NPIPB8: variants seen among roughly 807,000 people sequenced by gnomAD.
NPIPB8 encodes the protein nuclear pore complex-interacting protein family member B8.
NPIPB8 carries 3 observed loss-of-function variants against 5.3 expected under a neutral mutation model. That is an observed-to-expected ratio of 0.57 (90% confidence interval 0.26 to 1.47). NPIPB8 has a LOEUF of 1.47. Among genes scored for constraint, NPIPB8 ranks in the 40% most tolerant of loss-of-function variants. NPIPB8 has a pLI of 0.13. For synonymous variants in NPIPB8, 18 were observed against 23.0 expected (o/e 0.78, Z 0.62); for missense variants, 50 against 50.2 (o/e 1.00, Z 0.01).
intron 2 of NPIPB8, among the ~76,000 whole-genome samples, chr16:28,643,079 C>A (rs980991552): frequency 5.3e-5 from 8 of 151,760 alleles, no homozygotes; most frequent in Admixed American, 3.3e-4. Flanking sequence ...GTCCTGCCCA[C>A]CTGCTTGGAG....
intron 5 of NPIPB8, among the ~76,000 whole-genome samples, chr16:28,652,920 T>G (rs1406657213): frequency 7.8e-6 from 1 of 127,798 alleles, no homozygotes; most frequent in South Asian, 2.3e-4. Context: ...TTTTTTTTTT[T>G]AATTTTGAGA....
At chr16:28,639,455 A>ATTTTT (rs1181691602) in intron 2 of NPIPB8, among the ~76,000 whole-genome samples, 12 of 120,844 alleles carry the variant, frequency 9.9e-5, no homozygotes, top group Middle Eastern at 4.4e-3. Context: ...ATATATATAT[A>ATTTTT]TTTTTTTTTT....
intron 2 of NPIPB8, among the ~76,000 whole-genome samples, chr16:28,639,132 T>A (rs1247991110): frequency 3.4e-5 from 5 of 147,018 alleles, no homozygotes; most frequent in African/African-American, 7.6e-5. Flanking sequence ...GCTTCTAAAC[T>A]ACTTTTTAAC....
At chr16:28,640,252 C>G (rs1021707155) in intron 2 of NPIPB8, among the ~76,000 whole-genome samples, 15 of 151,782 alleles carry the variant, frequency 9.9e-5, no homozygotes, top group Admixed American at 9.8e-4. Context: ...AGGTAAGAAA[C>G]AGCCCCAAAC....
intron 2 of NPIPB8, among the ~76,000 whole-genome samples, chr16:28,642,910 T>C (rs1375041325): frequency 6.6e-6 from 1 of 152,174 alleles, no homozygotes; most frequent in Admixed American, 6.5e-5. Flanking sequence ...TAGTAAATGG[T>C]AAAGGGATTT....
chr16:28,642,942 C>A (rs1018899283), intron 2 of NPIPB8, among the ~76,000 whole-genome samples: 6 of 152,136 alleles, frequency 3.9e-5, no homozygotes, highest in Non-Finnish European at 5.9e-5. Context: ...TTTCAGCTGC[C>A]AGAGGCCTGA....
At chr16:28,642,695 G>A (rs1184406439) in intron 2 of NPIPB8, among the ~76,000 whole-genome samples, 2 of 150,536 alleles carry the variant, frequency 1.3e-5, no homozygotes, top group African/African-American at 2.5e-5. Flanking sequence ...TATTGGCCAG[G>A]CTGGTCTGGA....
chr16:28,638,999 G>A (rs939527219), intron 2 of NPIPB8, among the ~76,000 whole-genome samples: 6 of 150,316 alleles, frequency 4.0e-5, no homozygotes, highest in African/African-American at 1.2e-4. Flanking sequence ...GATTCAGGAG[G>A]TGGAGGTTTT....
At chr16:28,644,848 G>T (rs1264709071) in intron 2 of NPIPB8, among the ~76,000 whole-genome samples, 1 of 93,812 alleles carries the variant, frequency 1.1e-5, no homozygotes, top group Non-Finnish European at 2.2e-5. Context: ...TTCCAAAAAA[G>T]ATTAGTCGGG....
At chr16:28,642,699 G>C (rs906535257) in intron 2 of NPIPB8, among the ~76,000 whole-genome samples, 3 of 150,584 alleles carry the variant, frequency 2.0e-5, no homozygotes, top group Non-Finnish European at 4.4e-5. Context: ...GGCCAGGCTG[G>C]TCTGGAACTC....
At position 28,645,000 on chromosome 16, in the gene NPIPB8, A is replaced by G. The variant is rs1173890346; in HGVS notation, c.121-3135A>G. ...TAACAAACAAAATGGACCAAAACAA[A>G]GTGAAATGTCATTTGATTTGTGTCA... is the stretch of plus-strand genomic sequence containing the variant. On this transcript the variant is annotated intron_variant, in intron 2 of 7. Transcript: ENST00000683297. Among the ~76,000 whole-genome samples, 4 of 104,570 alleles carry G rather than the reference A, an allele frequency of 3.8e-5. No individual in the cohort carries two copies. The South Asian group carries it at 1.1e-3, about 30-fold the overall frequency. The allele number at this position is 104,570 out of a possible 152,430, so 68.6% of individuals were successfully genotyped here. A position where few individuals can be genotyped will look rare whatever the true frequency, so the allele number is the denominator to read the frequency against.
At chr16:28,642,562 G>A (rs529573045) in intron 2 of NPIPB8, among the ~76,000 whole-genome samples, 2 of 151,298 alleles carry the variant, frequency 1.3e-5, no homozygotes, top group Admixed American at 6.6e-5. Flanking sequence ...TCGGCTCACT[G>A]CAGACTCTGC....
At chr16:28,640,785 G>A (rs2047883047) in intron 2 of NPIPB8, among the ~76,000 whole-genome samples, 1 of 152,168 alleles carries the variant, frequency 6.6e-6, no homozygotes. Flanking sequence ...TTGGTCGAAT[G>A]TAATCAGCAG....
intron 2 of NPIPB8, among the ~76,000 whole-genome samples, chr16:28,645,256 C>G (rs1215884690): frequency 9.1e-6 from 1 of 110,066 alleles, no homozygotes; most frequent in African/African-American, 3.3e-5. Flanking sequence ...GTCTCCATCT[C>G]TTGACCTCGT....
At chr16:28,653,807 T>C (rs77093397) in intron 5 of NPIPB8, among the ~76,000 whole-genome samples, 1 of 97,090 alleles carries the variant, frequency 1.0e-5, no homozygotes, top group East Asian at 2.3e-4. Context: ...ACCTCTATTC[T>C]GATGCATGAC....
In NPIPB8 at chr16:28,642,326, GAACTCCT is replaced by G. The variant is rs1228034947; in HGVS notation, c.120+3850_120+3856del. Among the ~76,000 whole-genome samples the G allele has an allele frequency of 2.0e-5, 3 of 151,750 alleles. No homozygotes were observed. In the East Asian group the frequency reaches 5.8e-4, roughly 29 times the overall value. On this transcript the variant is annotated intron_variant, in intron 2 of 7. Coordinates refer to ENST00000683297, the MANE Select transcript of NPIPB8 (RefSeq NM_001310136.2). ...TCACCATGTTGGTCAGGCTGGTCTCGAACTCCTAACCTTGTGATCCACCTACCTCAGC... is the reference window on the plus strand; with the variant it reads ...TCACCATGTTGGTCAGGCTGGTCTCGAACCTTGTGATCCACCTACCTCAGC...
chr16:28,642,631 C>A (rs944348609), intron 2 of NPIPB8, among the ~76,000 whole-genome samples: 1 of 150,894 alleles, frequency 6.6e-6, no homozygotes, highest in Non-Finnish European at 1.5e-5. Flanking sequence ...ACTACAGGTG[C>A]CCACCACCAC....
intron 2 of NPIPB8, chr16:28,644,508 C>A: frequency 1.1e-6 from 1 of 937,536 alleles, no homozygotes. Context: ...CGGCCCATTC[C>A]CCGTCCCCTT....
At chr16:28,641,854 C>T (rs2047901899) in intron 2 of NPIPB8, among the ~76,000 whole-genome samples, 1 of 132,092 alleles carries the variant, frequency 7.6e-6, no homozygotes, top group Admixed American at 8.2e-5. Flanking sequence ...TGAGGGACCG[C>T]CTGCAAGGGA....
Sources: gnomAD v4.1 joint callset for allele counts (sites outside exome capture counted in the v4.1 genomes callset) on GRCh38, gnomAD v4.1.1 for gene constraint, MANE v1.5 for transcripts, NCBI Gene and HGNC (gene_info 2026-07-23, HGNC 2026-07-21) for gene names.